NRP2: variants seen among roughly 807,000 people sequenced by gnomAD.
NRP2 encodes neuropilin 2, also known as neuropilin-2.
A neutral mutation model predicts 110.4 loss-of-function variants in NRP2; 52 were observed. The ratio of observed to expected loss-of-function variants is 0.47; its 90% CI spans 0.38 to 0.59. The LOEUF (loss-of-function observed/expected upper bound fraction) is 0.59. Ranked by LOEUF, NRP2 falls within the 20% of genes least tolerant of loss-of-function variation. The probability of loss-of-function intolerance (pLI) is 0.00; values close to 1 mark genes in which losing one functional copy is unlikely to be tolerated. For synonymous variants in NRP2, 508 were observed against 468.9 expected (o/e 1.08, Z -1.08); for missense variants, 1,049 against 1,203.0 (o/e 0.87, Z 1.89).
Position 205,710,928 on chromosome 2 carries a change from A to G in NRP2, c.252-5265A>G, listed in dbSNP as rs1271534296. ...CTCAAATCACTTTGACAGCATTTTAATTATAGTTGATTTGTTTGCCGCTAA... is the reference window on the plus strand; with the variant it reads ...CTCAAATCACTTTGACAGCATTTTAGTTATAGTTGATTTGTTTGCCGCTAA... On this transcript the variant is annotated intron_variant, in intron 2 of 16. Transcript: ENST00000357785. Among the ~76,000 whole-genome samples the G allele has an allele frequency of 2.6e-5, 4 of 152,336 alleles. No individual in the cohort carries two copies. In the East Asian group the frequency reaches 5.8e-4, roughly 22 times the overall value.
At chr2:205,754,897 G>T (rs1295385378) in intron 12 of NRP2, among the ~76,000 whole-genome samples, 3 of 152,108 alleles carry the variant, frequency 2.0e-5, no homozygotes, top group African/African-American at 4.8e-5. Flanking sequence ...GGGGAGGTTG[G>T]CTGGCTCTTA....
intron 15 of NRP2, among the ~76,000 whole-genome samples, chr2:205,774,228 C>A (rs1277310144): frequency 6.6e-6 from 1 of 152,200 alleles, no homozygotes; most frequent in Non-Finnish European, 1.5e-5. Context: ...CTGGCCACTT[C>A]AAGGAGCCAT....
rs528089788 is a variant in NRP2, at chr2:205,739,619, GT to G, written c.1147-895del. Among the ~76,000 whole-genome samples the G allele has an allele frequency of 8.6e-5, 13 of 150,538 alleles. No individual in the cohort carries two copies. In the South Asian group the frequency reaches 2.5e-3, roughly 29 times the overall value. ...TTTAGAAGTGATGGTTGGTTAGTTG[GT>G]TTTTCCCTCTACCCTTATTCAGGAA... On this transcript the variant is annotated intron_variant, in intron 7 of 16. Transcript: ENST00000357785.
chr2:205,715,359 C>T (rs2056873739), intron 2 of NRP2, among the ~76,000 whole-genome samples: 1 of 152,194 alleles, frequency 6.6e-6, no homozygotes, highest in Admixed American at 6.5e-5. Context: ...CAAATGAGCA[C>T]AGGCCTCCAC....
In NRP2 at chr2:205,790,970, C is replaced by A. The variant is rs142854163; in HGVS notation, c.2426-1265C>A. On this transcript the variant is annotated intron_variant, in intron 15 of 16. Transcript: ENST00000357785. ...TGTTTTGTGCATCCCTTACTAGGGACCGAGGGGGATGAGAATGTGCTTTAG... is the reference window on the plus strand; with the variant it reads ...TGTTTTGTGCATCCCTTACTAGGGAACGAGGGGGATGAGAATGTGCTTTAG... Among the ~76,000 whole-genome samples, 641 of 152,260 alleles carry A rather than the reference C, an allele frequency of 4.2e-3. 9 individuals carry two copies. Among genetic ancestry groups the A allele is most frequent in the South Asian group, 0.036 (175 of 4,814 alleles).
chr2:205,736,829 T>A (rs1294524605), intron 7 of NRP2, among the ~76,000 whole-genome samples: 1 of 152,192 alleles, frequency 6.6e-6, no homozygotes, highest in Non-Finnish European at 1.5e-5. Flanking sequence ...ATGCCTAGAC[T>A]GGAAGCCAAG....
chr2:205,689,021 GAGA>G (rs1180554166), intron 1 of NRP2, among the ~76,000 whole-genome samples: 2 of 152,188 alleles, frequency 1.3e-5, no homozygotes, highest in Non-Finnish European at 1.5e-5. Context: ...ACAGGGAGTG[GAGA>G]AGGTGTTAAG....
At chr2:205,761,433 G>A (rs939170706) in intron 12 of NRP2, 2 of 152,234 alleles carry the variant, frequency 1.3e-5, no homozygotes, top group African/African-American at 4.8e-5. Context: ...ATTACCTGCT[G>A]AAATCCATGG....
intron 3 of NRP2, among the ~76,000 whole-genome samples, chr2:205,717,794 A>G (rs2056929960): frequency 6.6e-6 from 1 of 152,222 alleles, no homozygotes; most frequent in African/African-American, 2.4e-5. Flanking sequence ...GCTGCCGAGC[A>G]GTGGGGAGAA....
intron 11 of NRP2, among the ~76,000 whole-genome samples, chr2:205,750,386 C>T (rs2057622406): frequency 6.6e-6 from 1 of 152,190 alleles, no homozygotes; most frequent in Non-Finnish European, 1.5e-5. Flanking sequence ...TAAGATAGTG[C>T]ACTGTATCCT....
chr2:205,794,924 C>A lies in NRP2; in HGVS notation c.2647C>A (p.Leu883Ile), dbSNP rs2058338882. ...LLGATCAGLL[L>I]YCTCSYSGLS... ...GGGGGCCACCTGTGCAGGCCTCCTGCTCTACTGCACCTGTTCCTACTCGGG... is the reference window on the plus strand; with the variant it reads ...GGGGGCCACCTGTGCAGGCCTCCTGATCTACTGCACCTGTTCCTACTCGGG... Residue 883 changes from leucine to isoleucine, a missense_variant, in exon 17 of 17, where the codon CTC (leucine) becomes ATC (isoleucine). Transcript: ENST00000357785. 1 of 1,614,184 alleles carries A rather than the reference C, an allele frequency of 6.2e-7. No individual in the cohort carries two copies. Among genetic ancestry groups the A allele is most frequent in the Non-Finnish European group, 8.5e-7 (1 of 1,180,026 alleles).
intron 8 of NRP2, 70 bp downstream of exon 8, chr2:205,740,733 G>A: frequency 3.8e-6 from 6 of 1,570,030 alleles, no homozygotes; most frequent in Non-Finnish European, 5.2e-6. Flanking sequence ...TCAACTCTCT[G>A]CAAACAGCAT....
At chr2:205,703,311 A>G (rs1403046198) in intron 2 of NRP2, among the ~76,000 whole-genome samples, 2 of 152,234 alleles carry the variant, frequency 1.3e-5, no homozygotes, top group African/African-American at 4.8e-5. Flanking sequence ...CCATTCATTC[A>G]TTCATCAGGA....
Position 205,725,898 on chromosome 2 carries a change from G to C in NRP2, c.821-15G>C. ...TTGGAAGGCCTAACTGCATTTGACCGTCTGCTTTCCCCAGACTTTCAGTGC... is the reference window on the plus strand; with the variant it reads ...TTGGAAGGCCTAACTGCATTTGACCCTCTGCTTTCCCCAGACTTTCAGTGC... On this transcript the variant is annotated splice_polypyrimidine_tract_variant and intron_variant, in intron 5 of 16. Transcript: ENST00000357785. The surrounding 1 kb of genome is among the most constrained non-coding windows in gnomAD (Gnocchi z 4.1). 1 of 1,613,746 alleles carries C rather than the reference G, an allele frequency of 6.2e-7. No individual in the cohort carries two copies. Among genetic ancestry groups the C allele is most frequent in the Non-Finnish European group, 8.5e-7 (1 of 1,179,984 alleles).
At chr2:205,766,704 T>G (rs375806444) in intron 14 of NRP2, 79 bp from the exon 15 acceptor site, 1 of 1,272,614 alleles carries the variant, frequency 7.9e-7, no homozygotes, top group Non-Finnish European at 1.1e-6. Context: ...ATCATCATAT[T>G]CATCCAATTA....
In NRP2 at chr2:205,726,086, C is replaced by T. The variant is rs1316243882; in HGVS notation, c.990+4C>T. 1 of 1,614,104 alleles carries T rather than the reference C, an allele frequency of 6.2e-7. No individual in the cohort carries two copies. Among genetic ancestry groups the T allele is most frequent in the South Asian group, 1.1e-5 (1 of 91,066 alleles). On this transcript the variant is annotated splice_donor_region_variant and intron_variant, in intron 6 of 16. Transcript: ENST00000357785. ...TTCCAACAAGGAGTATCTCCAGGTA[C>T]TTGTGCAGATACCAGAGGATGTGAG...
intron 7 of NRP2, among the ~76,000 whole-genome samples, chr2:205,730,916 C>G (rs530389111): frequency 6.6e-6 from 1 of 152,328 alleles, no homozygotes; most frequent in Admixed American, 6.5e-5. Context: ...TCCAGCCTCC[C>G]CTAGCCAGGC....
At chr2:205,721,296 T>A (rs908660433) in intron 3 of NRP2, among the ~76,000 whole-genome samples, 1 of 152,198 alleles carries the variant, frequency 6.6e-6, no homozygotes, top group East Asian at 1.9e-4. Flanking sequence ...TTCTGGTTGG[T>A]TGTGTTTTTT....
At chr2:205,722,277 G>GA in intron 3 of NRP2, 1 of 601,384 alleles carries the variant, frequency 1.7e-6, no homozygotes, top group Non-Finnish European at 3.0e-6. Context: ...TAATTATGTA[G>GA]AGCAAGCCAG....
Sources: allele counts gnomAD v4.1 joint callset (sites outside exome capture counted in the v4.1 genomes callset), GRCh38; gene constraint gnomAD v4.1.1; non-coding constraint Gnocchi (gnomAD v3.1); transcripts MANE v1.5; gene names NCBI Gene and HGNC (gene_info 2026-07-23, HGNC 2026-07-21).